BRINP2: variants seen among roughly 807,000 people sequenced by gnomAD.
The protein encoded by BRINP2 is BMP/retinoic acid inducible neural specific 2, also known as BMP/retinoic acid-inducible neural-specific protein 2.
Under a neutral mutation model 69.2 loss-of-function variants are expected in BRINP2, and 21 were observed. That is an observed-to-expected ratio of 0.30 (90% CI 0.22 to 0.44). BRINP2 has a LOEUF of 0.44. Ranked by LOEUF, BRINP2 falls within the 20% of genes least tolerant of loss-of-function variation. BRINP2 has a pLI of 1.00. For synonymous variants in BRINP2, 380 were observed against 394.1 expected (o/e 0.96, Z 0.42); for missense variants, 877 against 986.0 (o/e 0.89, Z 1.48).
intron 4 of BRINP2, 33 bp from the exon 5 acceptor site, chr1:177,273,455 T>C (rs548214231): frequency 1.1e-5 from 17 of 1,484,106 alleles, no homozygotes; most frequent in East Asian, 2.3e-5. Flanking sequence ...CCACTTGTTA[T>C]CTAAACCCAC....
chr1:177,199,989 C>G (rs1278009305), intron 1 of BRINP2, among the ~76,000 whole-genome samples: 1 of 152,070 alleles, frequency 6.6e-6, no homozygotes, highest in South Asian at 2.1e-4. Context: ...CCCATGGTAT[C>G]CTAGAATGTA....
At chr1:177,207,998 G>A (rs940973773) in intron 1 of BRINP2, among the ~76,000 whole-genome samples, 1 of 152,208 alleles carries the variant, frequency 6.6e-6, no homozygotes, top group Admixed American at 6.5e-5. Context: ...ATTGAGGGGT[G>A]TAGAACCTGG....
At chr1:177,237,250 A>G (rs532820395) in intron 2 of BRINP2, among the ~76,000 whole-genome samples, 1 of 152,334 alleles carries the variant, frequency 6.6e-6, no homozygotes, top group South Asian at 2.1e-4. Flanking sequence ...GCAATGCATT[A>G]TTCTAGGCAC....
At chr1:177,227,630 A>G (rs1224407584) in intron 1 of BRINP2, among the ~76,000 whole-genome samples, 2 of 151,822 alleles carry the variant, frequency 1.3e-5, no homozygotes, top group Non-Finnish European at 2.9e-5. Flanking sequence ...TTTCATGGTA[A>G]TGCATGCTTA....
intron 3 of BRINP2, 36 bp from the exon 4 acceptor site, chr1:177,257,140 A>G (rs1325961753): frequency 6.2e-7 from 1 of 1,610,610 alleles, no homozygotes; most frequent in Admixed American, 1.7e-5. Context: ...TCGAGAGCAG[A>G]GAGCGTCACC....
intron 1 of BRINP2, among the ~76,000 whole-genome samples, chr1:177,199,117 G>A (rs561056702): frequency 6.6e-6 from 1 of 152,314 alleles, no homozygotes; most frequent in African/African-American, 2.4e-5. Context: ...GGAAGCATAT[G>A]TAAAGATCTT....
At chr1:177,270,926 C>G (rs1000582682) in intron 4 of BRINP2, among the ~76,000 whole-genome samples, 2 of 152,224 alleles carry the variant, frequency 1.3e-5, no homozygotes, top group African/African-American at 2.4e-5. Flanking sequence ...GAGGCTGCCT[C>G]TGCTTCCCCA....
intron 1 of BRINP2, among the ~76,000 whole-genome samples, chr1:177,175,019 C>A (rs1374644127): frequency 6.6e-6 from 1 of 152,134 alleles, no homozygotes; most frequent in Non-Finnish European, 1.5e-5. Flanking sequence ...AACACACACA[C>A]AACTTCTCAT....
chr1:177,203,427 A>G (rs1191567975), intron 1 of BRINP2, among the ~76,000 whole-genome samples: 2 of 152,192 alleles, frequency 1.3e-5, no homozygotes, highest in African/African-American at 2.4e-5. Flanking sequence ...ATGTATACAT[A>G]TATAACAAAG....
At chr1:177,200,293 C>CAAAAAAAAAAAAAAAAAAAAAAA (rs35619503) in intron 1 of BRINP2, among the ~76,000 whole-genome samples, 12 of 34,812 alleles carry the variant, frequency 3.4e-4, no homozygotes, top group Non-Finnish European at 3.3e-4. Flanking sequence ...AACTCTGTCT[C>CAAAAAAAAAAAAAAAAAAAAAAA]AAAAAAAAAA....
intron 1 of BRINP2, among the ~76,000 whole-genome samples, chr1:177,227,140 C>T (rs1183584926): frequency 6.6e-6 from 1 of 152,182 alleles, no homozygotes; most frequent in African/African-American, 2.4e-5. Flanking sequence ...CTCACAGGTC[C>T]TGCCCATACT....
chr1:177,189,702 C>G (rs1269030854), intron 1 of BRINP2, among the ~76,000 whole-genome samples: 1 of 152,122 alleles, frequency 6.6e-6, no homozygotes, highest in African/African-American at 2.4e-5. Flanking sequence ...TAAACAGAGG[C>G]CTCCACATTG....
chr1:177,272,398 A>C (rs151125649), intron 4 of BRINP2, among the ~76,000 whole-genome samples: 24 of 152,350 alleles, frequency 1.6e-4, no homozygotes, highest in Admixed American at 3.3e-4. Flanking sequence ...AATGTATTAT[A>C]CATGCATTCT....
chr1:177,199,990 C>T (rs1485453332), intron 1 of BRINP2, among the ~76,000 whole-genome samples: 1 of 152,044 alleles, frequency 6.6e-6, no homozygotes, highest in African/African-American at 2.4e-5. Flanking sequence ...CCATGGTATC[C>T]TAGAATGTAT....
intron 4 of BRINP2, among the ~76,000 whole-genome samples, chr1:177,263,759 T>C (rs918691056): frequency 1.3e-5 from 2 of 151,960 alleles, no homozygotes; most frequent in Non-Finnish European, 1.5e-5. Flanking sequence ...GGAGGTAGGG[T>C]ATATTTGAGA....
At chr1:177,248,569 T>C (rs1361604750) in intron 2 of BRINP2, among the ~76,000 whole-genome samples, 2 of 151,874 alleles carry the variant, frequency 1.3e-5, no homozygotes. Flanking sequence ...TCATAGGTAG[T>C]GACTCTTCAC....
At chr1:177,273,381 G>C (rs559345355) in intron 4 of BRINP2, 107 bp from the exon 5 acceptor site, 1 of 660,062 alleles carries the variant, frequency 1.5e-6, no homozygotes, top group African/African-American at 1.8e-5. Flanking sequence ...TTCTACAGCT[G>C]GTCAAGGACA....
intron 1 of BRINP2, among the ~76,000 whole-genome samples, chr1:177,173,182 T>C (rs958258098): frequency 1.3e-5 from 2 of 152,220 alleles, no homozygotes; most frequent in Admixed American, 1.3e-4. Context: ...AATAAGTTGC[T>C]TTGCAGCACT....
At position 177,281,182 on chromosome 1, in the gene BRINP2, C is replaced by G; in HGVS notation, c.2006C>G (p.Thr669Ser). The G allele has an allele frequency of 6.2e-7, 1 of 1,614,234 alleles. No individual in the cohort carries two copies. The highest frequency in any genetic ancestry group is 8.5e-7 in the Non-Finnish European group (1 of 1,180,046). ...ATCTACTATGAGCCCCTGGAGATGACTGATCCCTCTAAGAATTTGGGTTAC... is the reference window on the plus strand; with the variant it reads ...ATCTACTATGAGCCCCTGGAGATGAGTGATCCCTCTAAGAATTTGGGTTAC... ...ETIYYEPLEMTDPSKNLGYMK... is the reference protein window; with the variant it reads ...ETIYYEPLEMSDPSKNLGYMK... Residue 669 changes from threonine (T) to serine (S), a missense_variant, in exon 8 of 8, where the codon ACT becomes AGT. By Grantham distance (58) the Thr-to-Ser change is moderately conservative. Transcript: ENST00000361539.
Sources: allele counts gnomAD v4.1 joint callset (sites outside exome capture counted in the v4.1 genomes callset), GRCh38; gene constraint gnomAD v4.1.1; transcripts MANE v1.5; gene names NCBI Gene and HGNC (gene_info 2026-07-23, HGNC 2026-07-21).